The following SDK1 variants were observed in gnomAD, a reference collection of about 807,000 sequenced individuals.
SDK1 encodes sidekick cell adhesion molecule 1.
Under a neutral mutation model 245.5 loss-of-function variants are expected in SDK1, and 157 were observed. The ratio of observed to expected loss-of-function variants is 0.64; its 90% CI spans 0.56 to 0.73. The LOEUF is 0.73. SDK1 is among the 30% of genes least tolerant of loss of function. The pLI is 0.00. For missense variants in SDK1, 3,583 were observed against 3,002.3 expected (o/e 1.19, Z -4.52); for synonymous variants, 1,647 against 1,278.5 (o/e 1.29, Z -6.15).
intron 4 of SDK1, among the ~76,000 whole-genome samples, chr7:3,815,838 G>C (rs1583443316): frequency 1.3e-5 from 2 of 148,890 alleles, no homozygotes; most frequent in Admixed American, 1.3e-4. Flanking sequence ...TGACCACATA[G>C]TTGGAAGTAA....
rs372755460 is a variant in SDK1, at chr7:3,496,365, C to T, written c.299-122715C>T. On this transcript the variant is annotated intron_variant, in intron 1 of 44. Coordinates refer to ENST00000404826, the MANE Select transcript of SDK1 (RefSeq NM_152744.4). ...TGGAGTCTCACTGTGTATTATTTAACAGATTCTGAATAAAGCCATTTTATC... is the reference window on the plus strand; with the variant it reads ...TGGAGTCTCACTGTGTATTATTTAATAGATTCTGAATAAAGCCATTTTATC... 1.3e-4 allele frequency among the ~76,000 whole-genome samples: 20 copies of T among 152,202 alleles called. No homozygotes were observed. The East Asian group carries it at 3.7e-3, about 28-fold the overall frequency.
intron 1 of SDK1, among the ~76,000 whole-genome samples, chr7:3,316,738 A>C (rs1779672290): frequency 6.6e-6 from 1 of 152,176 alleles, no homozygotes; most frequent in Admixed American, 6.5e-5. Context: ...AAATCACTGC[A>C]GCGTGGAACT....
chr7:3,405,872 G>A (rs919086980), intron 1 of SDK1, among the ~76,000 whole-genome samples: 1 of 148,732 alleles, frequency 6.7e-6, no homozygotes, highest in African/African-American at 2.5e-5. Flanking sequence ...TAGTGCAGTG[G>A]CATGTTCTCA....
intron 38 of SDK1, among the ~76,000 whole-genome samples, chr7:4,216,716 C>T (rs188315413): frequency 2.0e-5 from 3 of 152,280 alleles, no homozygotes; most frequent in African/African-American, 7.2e-5. Context: ...GACCTCTTTC[C>T]ACACCTCCTC....
intron 4 of SDK1, among the ~76,000 whole-genome samples, chr7:3,775,767 G>A (rs1780539173): frequency 2.0e-5 from 3 of 151,750 alleles, no homozygotes; most frequent in Admixed American, 6.6e-5. Flanking sequence ...TAGTAGAGAC[G>A]GGGTTTCACC....
intron 5 of SDK1, among the ~76,000 whole-genome samples, chr7:3,861,507 T>A (rs1006606547): frequency 6.6e-6 from 1 of 152,046 alleles, no homozygotes; most frequent in African/African-American, 2.4e-5. Flanking sequence ...GCTGCTTGGG[T>A]GCCACCAAAA....
chr7:3,683,101 C>T (rs1168866373), intron 4 of SDK1, among the ~76,000 whole-genome samples: 1 of 152,168 alleles, frequency 6.6e-6, no homozygotes, highest in Non-Finnish European at 1.5e-5. Flanking sequence ...CCGAGCAAGG[C>T]ATTTACGCTG....
chr7:4,209,724 G>T (rs971141990), intron 37 of SDK1, among the ~76,000 whole-genome samples: 1 of 152,216 alleles, frequency 6.6e-6, no homozygotes, highest in African/African-American at 2.4e-5. Context: ...AGCTCCCTGC[G>T]TTTCATTTTC....
At chr7:3,717,476 A>G (rs1423495378) in intron 4 of SDK1, among the ~76,000 whole-genome samples, 1 of 152,240 alleles carries the variant, frequency 6.6e-6, no homozygotes, top group Non-Finnish European at 1.5e-5. Flanking sequence ...AAATGTGTAT[A>G]TTAGAAAGAG....
intron 4 of SDK1, among the ~76,000 whole-genome samples, chr7:3,767,300 A>G (rs755475342): frequency 3.7e-4 from 57 of 152,128 alleles, no homozygotes; most frequent in Non-Finnish European, 5.0e-4. Context: ...CCAGGGACTA[A>G]GGGGAGAAAG....
intron 1 of SDK1, among the ~76,000 whole-genome samples, chr7:3,545,896 CTTT>C (rs1779211287): frequency 6.6e-6 from 1 of 152,204 alleles, no homozygotes; most frequent in Non-Finnish European, 1.5e-5. Flanking sequence ...TAGTTTCCTT[CTTT>C]TGAGTTGCTG....
chr7:3,501,879 T>A (rs544998175), intron 1 of SDK1, among the ~76,000 whole-genome samples: 6 of 152,206 alleles, frequency 3.9e-5, no homozygotes, highest in African/African-American at 1.4e-4. Context: ...TCTTGTTGAT[T>A]TACAGACATT....
At chr7:3,971,401 C>T (rs1479277589) in intron 11 of SDK1, 65 bp from the exon 12 acceptor site, 2 of 1,088,676 alleles carry the variant, frequency 1.8e-6, no homozygotes, top group South Asian at 1.3e-5. Flanking sequence ...GGGCATTATC[C>T]CCCCTGAGGG....
intron 5 of SDK1, among the ~76,000 whole-genome samples, chr7:3,929,250 TTGA>T (rs1189289550): frequency 1.2e-4 from 19 of 152,236 alleles, no homozygotes; most frequent in Admixed American, 1.3e-4. Flanking sequence ...TTATTTTGAC[TTGA>T]TGAAGCGTTG....
At position 4,265,466 on chromosome 7, in the gene SDK1, C is replaced by T. The variant is rs1788412280; in HGVS notation, c.*82C>T. On this transcript the variant is annotated 3_prime_UTR_variant, in exon 45 of 45. Transcript: ENST00000404826. ...TTGTTAAGACAATCAACTCCAATAACTGAGCTGAAGTTTTTGTTTAAAAAG... is the reference window on the plus strand; with the variant it reads ...TTGTTAAGACAATCAACTCCAATAATTGAGCTGAAGTTTTTGTTTAAAAAG... The T allele has an allele frequency of 1.4e-6, 2 of 1,381,504 alleles. No individual in the cohort carries two copies. The highest frequency in any genetic ancestry group is 2.9e-5 in the East Asian group (1 of 34,614). The allele number at this position is 1,381,504 out of a possible 1,614,324, so 85.6% of individuals were successfully genotyped here. A position where few individuals can be genotyped will look rare whatever the true frequency, so the allele number is the denominator to read the frequency against.
At chr7:4,142,295 G>C (rs74483303) in intron 28 of SDK1, among the ~76,000 whole-genome samples, 3,487 of 152,092 alleles carry the variant, frequency 0.023, 128 homozygotes, top group African/African-American at 0.078. Context: ...CATCATTCTT[G>C]GTGGTTTTGG....
chr7:4,088,961 GCCCC>G, intron 22 of SDK1, among the ~76,000 whole-genome samples: 1 of 151,220 alleles, frequency 6.6e-6, no homozygotes, highest in Admixed American at 6.6e-5. Flanking sequence ...GCACAATGAG[GCCCC>G]TCAGAGGGAG....
intron 30 of SDK1, among the ~76,000 whole-genome samples, chr7:4,150,435 C>T (rs1780283446): frequency 6.6e-6 from 1 of 152,212 alleles, no homozygotes; most frequent in South Asian, 2.1e-4. Flanking sequence ...GCTGGCCGAG[C>T]TTCCTCTGTC....
intron 5 of SDK1, among the ~76,000 whole-genome samples, chr7:3,857,676 G>C (rs1051248698): frequency 1.4e-5 from 2 of 142,224 alleles, no homozygotes; most frequent in African/African-American, 5.0e-5. Flanking sequence ...GACAGAGTAA[G>C]ACCCTGTCTC....
Sources: gnomAD v4.1 joint callset for allele counts (sites outside exome capture counted in the v4.1 genomes callset) on GRCh38, gnomAD v4.1.1 for gene constraint, MANE v1.5 for transcripts, NCBI Gene and HGNC (gene_info 2026-07-23, HGNC 2026-07-21) for gene names.